The following SEPTIN10 variants were observed in gnomAD, a reference collection of about 807,000 sequenced individuals.
SEPTIN10 encodes the protein septin 10, also known as septin-10.
In SEPTIN10, 66 loss-of-function variants were observed where a neutral mutation model predicts 54.8. The ratio of observed to expected loss-of-function variants is 1.21; its 90% confidence interval spans 0.99 to 1.48. The LOEUF is 1.48. Among genes scored for constraint, SEPTIN10 ranks in the 40% most tolerant of loss-of-function variants. The pLI is 0.00. For synonymous variants in SEPTIN10, 161 were observed against 181.0 expected (o/e 0.89, Z 0.89); for missense variants, 620 against 545.6 (o/e 1.14, Z -1.36).
chr2:109,577,047 G>T (rs530409940), intron 4 of SEPTIN10, among the ~76,000 whole-genome samples: 2 of 152,096 alleles, frequency 1.3e-5, no homozygotes, highest in South Asian at 2.1e-4. Context: ...AGCAAAACTG[G>T]ATAACAATAA....
intron 1 of SEPTIN10, among the ~76,000 whole-genome samples, chr2:109,609,746 A>G (rs1391532312): frequency 6.6e-6 from 1 of 152,222 alleles, no homozygotes; most frequent in Non-Finnish European, 1.5e-5. Flanking sequence ...GGAATGAGAA[A>G]AAAAGTTCAG....
At chr2:109,551,374 T>G (rs1682921004) in intron 9 of SEPTIN10, among the ~76,000 whole-genome samples, 1 of 152,232 alleles carries the variant, frequency 6.6e-6, no homozygotes, top group African/African-American at 2.4e-5. Flanking sequence ...TTGGTAAAAC[T>G]AAGATTCATG....
chr2:109,550,417 A>AT (rs1682624301), intron 9 of SEPTIN10, among the ~76,000 whole-genome samples: 1 of 150,976 alleles, frequency 6.6e-6, no homozygotes, highest in South Asian at 2.1e-4. Flanking sequence ...TGTTCAGGCG[A>AT]TTCTCCTGCC....
chr2:109,545,515 C>G (rs764642565), intron 10 of SEPTIN10: 2 of 1,535,994 alleles, frequency 1.3e-6, no homozygotes, highest in Non-Finnish European at 8.7e-7. Flanking sequence ...CATCAATGCA[C>G]AGGAGTTCGA....
At chr2:109,554,256 C>T (rs920002134) in intron 8 of SEPTIN10, among the ~76,000 whole-genome samples, 5 of 152,082 alleles carry the variant, frequency 3.3e-5, no homozygotes, top group Admixed American at 2.6e-4. Flanking sequence ...CCTCCTACCA[C>T]GATGTAATTC....
rs758056864 is a variant in SEPTIN10, at chr2:109,585,880, C to A, written c.100-42G>T. 1.7e-5 allele frequency: 25 copies of A among 1,490,062 alleles called. No homozygotes were observed. In the South Asian group the frequency reaches 2.8e-4, roughly 16 times the overall value. The allele number at this position is 1,490,062 out of a possible 1,614,324, so 92.3% of individuals were successfully genotyped here. ...ACAAAAACAACAGCAATAAAAAAAA[C>A]AACTTTGACTTAAATAGGATGTAGG... On this transcript the variant is annotated intron_variant, in intron 2 of 10. Transcript: ENST00000397712.
Position 109,543,890 on chromosome 2 carries a change from G to A in SEPTIN10, c.*419C>T, listed in dbSNP as rs1680512439. On this transcript the variant is annotated 3_prime_UTR_variant, in exon 11 of 11. Transcript: ENST00000397712. ...TATCTGCATATACACAACGGGACCC[G>A]ACTCTAATTACATAATTCATGTTTC... The A allele has an allele frequency of 2.4e-6, 1 of 411,916 alleles. No homozygotes were observed. The highest frequency in any genetic ancestry group is 4.4e-5 in the East Asian group (1 of 22,874). The allele number at this position is 411,916 out of a possible 1,614,324, so 25.5% of individuals were successfully genotyped here.
intron 2 of SEPTIN10, among the ~76,000 whole-genome samples, chr2:109,587,476 T>A (rs1258778769): frequency 6.6e-6 from 1 of 151,838 alleles, no homozygotes; most frequent in Non-Finnish European, 1.5e-5. Context: ...GGGAAAAAAA[T>A]ATCTAAATAA....
chr2:109,556,080 T>C (rs1196076225), intron 8 of SEPTIN10, among the ~76,000 whole-genome samples: 1 of 152,202 alleles, frequency 6.6e-6, no homozygotes, highest in Non-Finnish European at 1.5e-5. Context: ...TCTTTATAAA[T>C]GTTCATAGAA....
intron 8 of SEPTIN10, among the ~76,000 whole-genome samples, chr2:109,560,005 CT>C (rs1685275325): frequency 6.7e-6 from 1 of 149,022 alleles, no homozygotes; most frequent in African/African-American, 2.5e-5. Context: ...ACCGCAAGCT[CT>C]GCCTCCTAGG....
chr2:109,602,776 T>C (rs926032190), intron 1 of SEPTIN10, among the ~76,000 whole-genome samples: 8 of 151,000 alleles, frequency 5.3e-5, no homozygotes, highest in Non-Finnish European at 5.9e-5. Flanking sequence ...CCAATGAAAT[T>C]TGAGAAGTCA....
chr2:109,574,505 T>A (rs1689159792), intron 5 of SEPTIN10, 76 bp downstream of exon 5: 3 of 750,978 alleles, frequency 4.0e-6, no homozygotes, highest in Non-Finnish European at 5.7e-6. Context: ...ACAATATATA[T>A]CCATATTGTA....
intron 6 of SEPTIN10, among the ~76,000 whole-genome samples, chr2:109,567,202 T>C (rs1022498160): frequency 3.9e-5 from 6 of 152,176 alleles, no homozygotes; most frequent in Admixed American, 1.3e-4. Context: ...TTTGTAGATA[T>C]GTTAAGTCTC....
At chr2:109,569,577 T>C (rs963793891) in intron 5 of SEPTIN10, among the ~76,000 whole-genome samples, 1 of 152,180 alleles carries the variant, frequency 6.6e-6, no homozygotes, top group African/African-American at 2.4e-5. Flanking sequence ...TTTTTCTGTC[T>C]ATGAAATTGA....
intron 4 of SEPTIN10, among the ~76,000 whole-genome samples, chr2:109,583,655 T>C (rs968954776): frequency 1.3e-5 from 2 of 152,014 alleles, no homozygotes; most frequent in Non-Finnish European, 2.9e-5. Flanking sequence ...CAAAAGAAAA[T>C]ACCTCATTCT....
intron 3 of SEPTIN10, 57 bp from the exon 4 acceptor site, chr2:109,585,378 A>G: frequency 7.2e-7 from 1 of 1,384,016 alleles, no homozygotes; most frequent in Non-Finnish European, 9.9e-7. Flanking sequence ...AAGAAATACA[A>G]CTGTAAATGC....
intron 4 of SEPTIN10, among the ~76,000 whole-genome samples, chr2:109,581,358 A>G (rs548809493): frequency 3.5e-4 from 53 of 151,690 alleles, no homozygotes; most frequent in African/African-American, 1.2e-3. Flanking sequence ...AATCACCTGA[A>G]CCCAGGAGGC....
intron 1 of SEPTIN10, among the ~76,000 whole-genome samples, chr2:109,600,443 T>A (rs974109525): frequency 6.6e-6 from 1 of 151,988 alleles, no homozygotes; most frequent in Non-Finnish European, 1.5e-5. Flanking sequence ...CATGATAAAT[T>A]CCTAGAATAT....
At chr2:109,589,488 C>T (rs1443402570) in intron 2 of SEPTIN10, among the ~76,000 whole-genome samples, 1 of 151,994 alleles carries the variant, frequency 6.6e-6, no homozygotes, top group Non-Finnish European at 1.5e-5. Context: ...CAAGATCCTG[C>T]CACTGTGCTC....
Sources: gnomAD v4.1 joint callset for allele counts (sites outside exome capture counted in the v4.1 genomes callset) on GRCh38, gnomAD v4.1.1 for gene constraint, MANE v1.5 for transcripts, NCBI Gene and HGNC (gene_info 2026-07-23, HGNC 2026-07-21) for gene names.